CHN2: variants seen among roughly 807,000 people sequenced by gnomAD.
CHN2 encodes beta-chimaerin.
Under a neutral mutation model 56.3 loss-of-function variants are expected in CHN2, and 35 were observed. The ratio of observed to expected loss-of-function variants is 0.62; its 90% CI spans 0.47 to 0.82. The LOEUF (loss-of-function observed/expected upper bound fraction) is 0.82. Ranked by LOEUF, CHN2 falls within the 40% of genes least tolerant of loss-of-function variation. The pLI, the probability that CHN2 is intolerant of heterozygous loss-of-function variation, is 0.00. For synonymous variants in CHN2, 210 were observed against 212.8 expected, an observed-to-expected ratio of 0.99 and a Z score of 0.12; for missense variants, 491 against 580.5, an observed-to-expected ratio of 0.85 and a Z score of 1.58.
chr7:29,175,427 C>T (rs894321884), intron 2 of CHN2, among the ~76,000 whole-genome samples: 35 of 152,168 alleles, frequency 2.3e-4, no homozygotes, highest in African/African-American at 7.5e-4. Flanking sequence ...CTGCCCGCCT[C>T]GGCCTCCCAA....
Position 29,439,853 on chromosome 7 carries a change from A to G in CHN2, c.576+39025A>G, listed in dbSNP as rs187180740. The stretch of plus-strand genomic sequence containing the variant: ...GTCTAGCACTTTATAAAGTATTTCC[A>G]TGCACATTATCTCATTAGGTTCTCA... On this transcript the variant is annotated intron_variant, in intron 6 of 12. Coordinates refer to ENST00000222792, the MANE Select transcript of CHN2 (RefSeq NM_004067.4). Among the ~76,000 whole-genome samples the G allele has an allele frequency of 1.5e-3, 231 of 152,328 alleles. 2 individuals are homozygous for G. The highest frequency in any genetic ancestry group is 5.4e-3 in the African/African-American group (225 of 41,582).
In CHN2 at chr7:29,250,683, C is replaced by T. The variant is rs245964; in HGVS notation, c.49+55693C>T. Among the ~76,000 whole-genome samples the T allele has an allele frequency of 6.4e-3, 974 of 151,710 alleles. 7 individuals carry two copies. The highest frequency in any genetic ancestry group is 9.7e-3 in the Admixed American group (148 of 15,212). On this transcript the variant is annotated intron_variant, in intron 1 of 12. Coordinates refer to ENST00000222792, the MANE Select transcript of CHN2 (RefSeq NM_004067.4). ...TGGAGCACCACACCTAGTAAGAAGA[C>T]TCTTCCCTTTTTTTACCTGAACTTC...
At chr7:29,416,774 G>T (rs544945632) in intron 6 of CHN2, among the ~76,000 whole-genome samples, 1 of 144,450 alleles carries the variant, frequency 6.9e-6, no homozygotes, top group Non-Finnish European at 1.5e-5. Context: ...GTATGTATGC[G>T]TGTATATGTG....
At chr7:29,310,261 G>C (rs778805448) in intron 1 of CHN2, among the ~76,000 whole-genome samples, 1 of 152,100 alleles carries the variant, frequency 6.6e-6, no homozygotes, top group Non-Finnish European at 1.5e-5. Flanking sequence ...AATAAATTAT[G>C]ATACATCCAT....
intron 1 of CHN2, among the ~76,000 whole-genome samples, chr7:29,346,025 C>A (rs886491968): frequency 5.9e-5 from 9 of 152,142 alleles, no homozygotes; most frequent in African/African-American, 2.2e-4. Flanking sequence ...CTTACCCAAG[C>A]AGAGTTTCCA....
intron 6 of CHN2, among the ~76,000 whole-genome samples, chr7:29,431,534 T>A (rs1782860017): frequency 6.6e-6 from 1 of 152,150 alleles, no homozygotes; most frequent in Non-Finnish European, 1.5e-5. Flanking sequence ...CTGGGCATGG[T>A]GGGCACGTTT....
intron 1 of CHN2, among the ~76,000 whole-genome samples, chr7:29,204,318 TC>T (rs1317131343): frequency 6.6e-6 from 1 of 152,132 alleles, no homozygotes; most frequent in Non-Finnish European, 1.5e-5. Flanking sequence ...AAATGAAAAG[TC>T]AGTTCTAGCA....
intron 2 of CHN2, among the ~76,000 whole-genome samples, chr7:29,169,654 G>A (rs1038147458): frequency 1.1e-4 from 16 of 151,976 alleles, no homozygotes; most frequent in Non-Finnish European, 1.9e-4. Flanking sequence ...CATGTCCTAT[G>A]TATGGCTGCC....
intron 1 of CHN2, among the ~76,000 whole-genome samples, chr7:29,237,559 G>A (rs564984641): frequency 6.6e-6 from 1 of 152,178 alleles, no homozygotes; most frequent in South Asian, 2.1e-4. Context: ...AAAATTTAAA[G>A]CATCTCAATG....
intron 1 of CHN2, among the ~76,000 whole-genome samples, chr7:29,306,855 G>T (rs1794207633): frequency 6.6e-6 from 1 of 152,224 alleles, no homozygotes; most frequent in Non-Finnish European, 1.5e-5. Flanking sequence ...GCATTCTGCA[G>T]AATTGCCAGA....
chr7:29,415,771 G>T (rs949712641), intron 6 of CHN2, among the ~76,000 whole-genome samples: 2 of 152,202 alleles, frequency 1.3e-5, no homozygotes. Flanking sequence ...TAGAGGATGG[G>T]CTGGAGACAG....
At chr7:29,237,131 A>G (rs1462398143) in intron 1 of CHN2, among the ~76,000 whole-genome samples, 1 of 152,180 alleles carries the variant, frequency 6.6e-6, no homozygotes, top group African/African-American at 2.4e-5. Flanking sequence ...CCTAAGCTCC[A>G]CCTAGTTTTT....
rs1367034334 is a variant in CHN2 at position 29,512,926 on chromosome 7, G to A, written c.*191G>A. The A allele has an allele frequency of 1.9e-6, 1 of 535,002 alleles. No individual in the cohort carries two copies. Among genetic ancestry groups the A allele is most frequent in the Non-Finnish European group, 3.2e-6 (1 of 314,314 alleles). The allele number at this position is 535,002 out of a possible 1,614,324, so 33.1% of individuals were successfully genotyped here. A position where few individuals can be genotyped will look rare whatever the true frequency, so the allele number is the denominator to read the frequency against. The stretch of plus-strand genomic sequence containing the variant: ...CCTCCACGTGAGAACAAGGGTGAAG[G>A]TGAGGGAAGCCCCTCACCTTGGGTC... On this transcript the variant is annotated 3_prime_UTR_variant, in exon 13 of 13. Transcript: ENST00000222792.
upstream of CHN2, chr7:29,191,977 G>C (rs1782944932): frequency 6.6e-6 from 1 of 152,190 alleles, no homozygotes; most frequent in Non-Finnish European, 1.5e-5. Context: ...AAGGATGATA[G>C]TGAATGATTA....
intron 2 of CHN2, among the ~76,000 whole-genome samples, chr7:29,173,154 T>C (rs1306125101): frequency 6.9e-6 from 1 of 144,884 alleles, no homozygotes; most frequent in East Asian, 2.0e-4. Context: ...AAAAGCTGGA[T>C]GAGATAGTTT....
intron 9 of CHN2, 109 bp from the exon 10 acceptor site, chr7:29,504,635 A>G (rs1241824432): frequency 4.5e-5 from 31 of 691,418 alleles, no homozygotes; most frequent in South Asian, 4.1e-4. Flanking sequence ...ATCACTGTCT[A>G]TGTTTGCTCA....
At chr7:29,176,151 A>C (rs186211888) in intron 2 of CHN2, among the ~76,000 whole-genome samples, 2,389 of 151,768 alleles carry the variant, frequency 0.016, 22 homozygotes, top group South Asian at 0.028. Context: ...GCGCCACTGC[A>C]CTCCAGCCTA....
chr7:29,253,100 C>T (rs1562867115), intron 1 of CHN2, among the ~76,000 whole-genome samples: 1 of 152,114 alleles, frequency 6.6e-6, no homozygotes, highest in Non-Finnish European at 1.5e-5. Context: ...AGTCCCTGTC[C>T]AACAGCAACT....
At chr7:29,371,284 A>T (rs1763798419) in intron 3 of CHN2, among the ~76,000 whole-genome samples, 4 of 152,208 alleles carry the variant, frequency 2.6e-5, no homozygotes, top group Admixed American at 2.6e-4. Flanking sequence ...GATACTGAGG[A>T]TGAGGAACAG....
Sources: allele counts gnomAD v4.1 joint callset (sites outside exome capture counted in the v4.1 genomes callset), GRCh38; gene constraint gnomAD v4.1.1; transcripts MANE v1.5; gene names NCBI Gene and HGNC (gene_info 2026-07-23, HGNC 2026-07-21).